The following MTSS1 variants were observed in gnomAD, a reference collection of about 807,000 sequenced individuals.
The protein encoded by MTSS1 is MTSS I-BAR domain containing 1, also known as protein MTSS 1.
A neutral mutation model predicts 79.0 loss-of-function variants in MTSS1; 18 were observed. The observed-to-expected ratio is 0.23, with a 90% CI of 0.16 to 0.34. The LOEUF (loss-of-function observed/expected upper bound fraction) is 0.34. Ranked by LOEUF, MTSS1 falls within the 10% of genes least tolerant of loss-of-function variation. The pLI is 1.00. For missense variants in MTSS1, 815 were observed against 986.2 expected (o/e 0.83, Z 2.33); for synonymous variants, 341 against 368.6 (o/e 0.93, Z 0.86).
chr8:124,570,346 A>G (rs990673297), intron 6 of MTSS1, among the ~76,000 whole-genome samples: 1 of 152,196 alleles, frequency 6.6e-6, no homozygotes, highest in Non-Finnish European at 1.5e-5. Context: ...GAGGGGTGCT[A>G]CCCAACGATT....
At chr8:124,711,488 T>A (rs115160600) in intron 1 of MTSS1, among the ~76,000 whole-genome samples, 3,809 of 152,154 alleles carry the variant, frequency 0.025, 148 homozygotes, top group African/African-American at 0.088. Context: ...AGTAACCACA[T>A]GAACAGAGCC....
intron 3 of MTSS1, among the ~76,000 whole-genome samples, chr8:124,606,963 G>A (rs1834987435): frequency 6.6e-6 from 1 of 152,102 alleles, no homozygotes; most frequent in African/African-American, 2.4e-5. Flanking sequence ...TCCGCAACCT[G>A]TCTTAGCAGG....
chr8:124,574,069 T>C (rs1175050402), intron 6 of MTSS1, among the ~76,000 whole-genome samples: 2 of 152,194 alleles, frequency 1.3e-5, no homozygotes, highest in Non-Finnish European at 2.9e-5. Context: ...CTCAGCTCAC[T>C]GAAACCTCTG....
At chr8:124,599,074 C>T (rs1248594211) in intron 3 of MTSS1, among the ~76,000 whole-genome samples, 1 of 152,218 alleles carries the variant, frequency 6.6e-6, no homozygotes, top group Non-Finnish European at 1.5e-5. Flanking sequence ...CCAGTGGTTG[C>T]TCCCTCCCCA....
At chr8:124,702,937 T>A (rs1423298543) in intron 2 of MTSS1, among the ~76,000 whole-genome samples, 1 of 152,208 alleles carries the variant, frequency 6.6e-6, no homozygotes, top group East Asian at 1.9e-4. Flanking sequence ...CTATTTCATA[T>A]CACATGATAT....
chr8:124,725,886 T>G (rs913293867), intron 1 of MTSS1, among the ~76,000 whole-genome samples: 1 of 152,200 alleles, frequency 6.6e-6, no homozygotes, highest in Non-Finnish European at 1.5e-5. Context: ...TCTTCATCTC[T>G]CGAGTCTCCA....
intron 6 of MTSS1, chr8:124,577,758 G>A (rs1192710803): frequency 4.6e-6 from 2 of 437,462 alleles, no homozygotes; most frequent in Non-Finnish European, 9.2e-6. Flanking sequence ...TCTGCTCCTT[G>A]TTCTTCCTCC....
At chr8:124,676,027 GA>G (rs1273571250) in intron 3 of MTSS1, among the ~76,000 whole-genome samples, 1 of 152,172 alleles carries the variant, frequency 6.6e-6, no homozygotes, top group Non-Finnish European at 1.5e-5. Context: ...CTGGTCATAT[GA>G]ATGGCATTTG....
chr8:124,568,056 C>T (rs1563766357), intron 7 of MTSS1: 1 of 983,292 alleles, frequency 1.0e-6, no homozygotes, highest in East Asian at 2.8e-5. Flanking sequence ...CTTGGTGGGT[C>T]TGGGTTGGGC....
At chr8:124,554,253 A>C (rs983013157) in intron 13 of MTSS1, among the ~76,000 whole-genome samples, 1 of 152,176 alleles carries the variant, frequency 6.6e-6, no homozygotes, top group Admixed American at 6.5e-5. Context: ...TACAGATTAA[A>C]CAGCTCACAG....
intron 3 of MTSS1, among the ~76,000 whole-genome samples, chr8:124,667,397 C>A (rs1429995900): frequency 6.6e-6 from 1 of 152,154 alleles, no homozygotes; most frequent in African/African-American, 2.4e-5. Context: ...GTAATCCCAG[C>A]ACTTCGGGAG....
intron 3 of MTSS1, among the ~76,000 whole-genome samples, chr8:124,675,004 G>A (rs941482187): frequency 4.6e-5 from 7 of 152,218 alleles, no homozygotes; most frequent in African/African-American, 1.2e-4. Flanking sequence ...TTACAGGCAT[G>A]AGCCACCATG....
intron 3 of MTSS1, among the ~76,000 whole-genome samples, chr8:124,677,028 GAAAAAAA>G (rs1275369028): frequency 1.3e-5 from 2 of 151,704 alleles, no homozygotes; most frequent in Non-Finnish European, 2.9e-5. Flanking sequence ...AAGGCACACA[GAAAAAAA>G]AGGGAGTGCT....
In MTSS1 at chr8:124,571,754, A is replaced by G. The variant is rs150218697; in HGVS notation, c.461-3218T>C. Reference sequence around the variant, plus strand: ...GCCGCGGCGGGCGGATCATGAGGTCAGGAGTTCAAGACCAGCCTGGCCAAT... The same window carrying G: ...GCCGCGGCGGGCGGATCATGAGGTCGGGAGTTCAAGACCAGCCTGGCCAAT... On this transcript the variant is annotated intron_variant, in intron 6 of 13. Coordinates refer to ENST00000518547, the MANE Select transcript of MTSS1 (RefSeq NM_014751.6). Among the ~76,000 whole-genome samples the G allele has an allele frequency of 2.7e-3, 413 of 152,348 alleles. 1 individual carries two copies. The highest frequency in any genetic ancestry group is 9.3e-3 in the African/African-American group (388 of 41,562).
chr8:124,644,338 T>C (rs546433853), intron 3 of MTSS1, among the ~76,000 whole-genome samples: 5 of 152,346 alleles, frequency 3.3e-5, no homozygotes, highest in East Asian at 1.9e-4. Context: ...CTGAGATCAA[T>C]TGCCAGCTAG....
At chr8:124,561,832 G>A (rs796205036) in intron 10 of MTSS1, among the ~76,000 whole-genome samples, 22 of 152,190 alleles carry the variant, frequency 1.4e-4, no homozygotes, top group African/African-American at 5.1e-4. Context: ...GGTGGGACAC[G>A]CACTCTCAAG....
chr8:124,571,997 T>C (rs973677658), intron 6 of MTSS1, among the ~76,000 whole-genome samples: 1 of 152,002 alleles, frequency 6.6e-6, no homozygotes, highest in Non-Finnish European at 1.5e-5. Flanking sequence ...AATTAAAAAA[T>C]AACAGCCTGT....
rs745444755 is a variant in MTSS1 at position 124,562,977 on chromosome 8, G to A, written c.840C>T (p.Val280=). The change falls in exon 10 of 14, where the codon GTC becomes GTT. Residue 280 remains valine, a synonymous_variant. Coordinates refer to ENST00000518547, the MANE Select transcript of MTSS1 (RefSeq NM_014751.6). ...CGCTGGACCGGGAGTCACTGCTGTTGACACTGTTCAGGCTGCTGTGGAGGA... is the reference window on the plus strand; with the variant it reads ...CGCTGGACCGGGAGTCACTGCTGTTAACACTGTTCAGGCTGCTGTGGAGGA... The part of the protein sequence containing the change: ...KSSVCSSLNS[V]NSSDSRSSGS... 3.7e-6 allele frequency: 6 copies of A among 1,609,506 alleles called. No individual in the cohort carries two copies. Among genetic ancestry groups the A allele is most frequent in the Non-Finnish European group, 3.4e-6 (4 of 1,178,282 alleles).
chr8:124,552,939 T>G lies in MTSS1; in HGVS notation c.*53A>C. 6.5e-7 allele frequency: 1 copy of G among 1,547,982 alleles called. No homozygotes were observed. Among genetic ancestry groups the G allele is most frequent in the Non-Finnish European group, 8.8e-7 (1 of 1,132,770 alleles). ...ATAGAGTGGAATGGATCAAGACAAA[T>G]TAGGTTTTATTAATGAAACAGTTCA... On this transcript the variant is annotated 3_prime_UTR_variant, in exon 14 of 14. Coordinates refer to ENST00000518547, the MANE Select transcript of MTSS1 (RefSeq NM_014751.6).
Sources: gnomAD v4.1 joint callset for allele counts (sites outside exome capture counted in the v4.1 genomes callset) on GRCh38, gnomAD v4.1.1 for gene constraint, MANE v1.5 for transcripts, NCBI Gene and HGNC (gene_info 2026-07-23, HGNC 2026-07-21) for gene names.